The following ZFAND3 variants were observed in gnomAD, a reference collection of about 807,000 sequenced individuals.
ZFAND3 encodes the protein zinc finger AN1-type containing 3.
Under a neutral mutation model 29.6 loss-of-function variants are expected in ZFAND3, and 10 were observed. The ratio of observed to expected loss-of-function variants is 0.34; its 90% CI spans 0.21 to 0.57. The LOEUF is 0.57. ZFAND3 is among the 20% of genes least tolerant of loss of function. The probability of loss-of-function intolerance (pLI) is 0.86; values close to 1 mark genes in which losing one functional copy is unlikely to be tolerated. For synonymous variants in ZFAND3, 128 were observed against 112.6 expected, an observed-to-expected ratio of 1.14 and a Z score of -0.87; for missense variants, 230 against 304.5, an observed-to-expected ratio of 0.76 and a Z score of 1.82.
At chr6:37,911,321 T>C (rs1484244585) in intron 1 of ZFAND3, among the ~76,000 whole-genome samples, 2 of 152,222 alleles carry the variant, frequency 1.3e-5, no homozygotes, top group African/African-American at 4.8e-5. Context: ...TGTGTACCTG[T>C]TAGCTATTTG....
intron 2 of ZFAND3, among the ~76,000 whole-genome samples, chr6:38,044,637 AAG>A (rs1252326092): frequency 1.3e-5 from 2 of 152,206 alleles, no homozygotes; most frequent in Non-Finnish European, 2.9e-5. Flanking sequence ...ACAGTATTAA[AAG>A]AGGAATTGGG....
At chr6:37,843,772 T>C (rs1764123683) in intron 1 of ZFAND3, among the ~76,000 whole-genome samples, 1 of 152,034 alleles carries the variant, frequency 6.6e-6, no homozygotes, top group African/African-American at 2.4e-5. Context: ...AGACATTGCA[T>C]ATTCTTTTAA....
At chr6:37,955,792 C>G (rs1387608064) in intron 2 of ZFAND3, among the ~76,000 whole-genome samples, 1 of 152,196 alleles carries the variant, frequency 6.6e-6, no homozygotes, top group Non-Finnish European at 1.5e-5. Context: ...AGTCCCAGAT[C>G]AGCGCAGTAG....
intron 2 of ZFAND3, among the ~76,000 whole-genome samples, chr6:38,026,122 G>C (rs2127449367): frequency 6.6e-6 from 1 of 152,188 alleles, no homozygotes; most frequent in Middle Eastern, 3.4e-3. Flanking sequence ...TTCTTTATCA[G>C]ATCCATTTCT....
At chr6:38,048,160 T>C (rs1763944243) in intron 2 of ZFAND3, among the ~76,000 whole-genome samples, 1 of 151,656 alleles carries the variant, frequency 6.6e-6, no homozygotes, top group Non-Finnish European at 1.5e-5. Flanking sequence ...CGCGCACCAT[T>C]ATGCCTGGCC....
intron 2 of ZFAND3, among the ~76,000 whole-genome samples, chr6:37,999,630 A>G (rs779112532): frequency 1.6e-4 from 25 of 152,216 alleles, no homozygotes; most frequent in Non-Finnish European, 2.6e-4. Context: ...GACAAACCCA[A>G]ATTGATGAGC....
chr6:37,977,234 T>TA (rs1762495538), intron 2 of ZFAND3, among the ~76,000 whole-genome samples: 1 of 152,222 alleles, frequency 6.6e-6, no homozygotes, highest in Non-Finnish European at 1.5e-5. Flanking sequence ...AATGTTGTGT[T>TA]ACGTCGTATA....
rs144623434 is a variant in ZFAND3 at position 38,116,629 on chromosome 6, C to T, written c.419C>T (p.Thr140Met). 3,546 of 1,614,014 alleles carry T rather than the reference C, an allele frequency of 2.2e-3. 5 individuals are homozygous for T. The highest frequency in any genetic ancestry group is 2.7e-3 in the Non-Finnish European group (3,201 of 1,179,886). ...AAACGGCCACGACTACTTGAGAATA[C>T]GGAACGGTCCGAGGAAACCAGTCGA... ...PVKRPRLLEN[T>M]ERSEETSRSK... Residue 140 changes from threonine to methionine, a missense_variant, in exon 5 of 6, where the codon ACG becomes ATG. By Grantham distance (81) the Thr-to-Met change is moderately conservative (BLOSUM62 -1). This residue lies in a region of ZFAND3 where 180 missense variants were observed against 202.5 expected (regional missense o/e 0.89). Transcript: ENST00000287218.
intron 3 of ZFAND3, among the ~76,000 whole-genome samples, chr6:38,072,760 A>T (rs183427128): frequency 2.0e-5 from 3 of 152,338 alleles, no homozygotes; most frequent in African/African-American, 7.2e-5. Flanking sequence ...AGAGCTGCCA[A>T]TGCCAAAAAA....
At position 38,141,794 on chromosome 6, in the gene ZFAND3, G is replaced by T. The variant is rs533138896; in HGVS notation, c.530-10441G>T. On this transcript the variant is annotated intron_variant, in intron 5 of 5. Coordinates refer to ENST00000287218, the MANE Select transcript of ZFAND3 (RefSeq NM_021943.3). ...AAGGAACAGACATGATGGGGGAAGGGGGTCAGAGTCATAATGCCAAGCATG... is the reference window on the plus strand; with the variant it reads ...AAGGAACAGACATGATGGGGGAAGGTGGTCAGAGTCATAATGCCAAGCATG... Among the ~76,000 whole-genome samples the T allele has an allele frequency of 1.2e-3, 179 of 152,274 alleles. 1 individual carries two copies. In the South Asian group the frequency reaches 0.012, roughly 11 times the overall value.
intron 4 of ZFAND3, among the ~76,000 whole-genome samples, chr6:38,108,301 A>C (rs75362474): frequency 0.055 from 8,396 of 152,276 alleles, 335 homozygotes; most frequent in Non-Finnish European, 0.087. Flanking sequence ...GGACAGAACC[A>C]ATAGGATATA....
At chr6:37,881,176 A>AT (rs1259954815) in intron 1 of ZFAND3, among the ~76,000 whole-genome samples, 2 of 151,994 alleles carry the variant, frequency 1.3e-5, no homozygotes, top group Non-Finnish European at 2.9e-5. Flanking sequence ...GGTTCAAGAG[A>AT]TTCTCCTGCC....
intron 2 of ZFAND3, among the ~76,000 whole-genome samples, chr6:37,984,930 T>TA (rs1425923238): frequency 4.6e-5 from 7 of 152,260 alleles, no homozygotes; most frequent in Non-Finnish European, 1.0e-4. Context: ...CTGCAGCAGT[T>TA]ATACTTTTTT....
chr6:38,007,616 C>T (rs1002699389), intron 2 of ZFAND3, among the ~76,000 whole-genome samples: 9 of 152,092 alleles, frequency 5.9e-5, no homozygotes, highest in East Asian at 5.8e-4. Context: ...TTATAATTAA[C>T]TTGAAGAATA....
At chr6:38,083,350 C>T (rs563928815) in intron 4 of ZFAND3, among the ~76,000 whole-genome samples, 5 of 152,202 alleles carry the variant, frequency 3.3e-5, no homozygotes, top group Admixed American at 1.3e-4. Flanking sequence ...CAGTTGTACT[C>T]TTCTCTTCCA....
At chr6:37,837,155 G>A (rs1763982686) in intron 1 of ZFAND3, among the ~76,000 whole-genome samples, 1 of 152,130 alleles carries the variant, frequency 6.6e-6, no homozygotes, top group African/African-American at 2.4e-5. Context: ...GAAAAGCTCA[G>A]TATATATATA....
At chr6:38,007,510 A>C (rs747114793) in intron 2 of ZFAND3, among the ~76,000 whole-genome samples, 37 of 152,088 alleles carry the variant, frequency 2.4e-4, no homozygotes, top group Non-Finnish European at 5.3e-4. Flanking sequence ...GTGCCACTGC[A>C]CTCCAGTCTG....
At chr6:37,886,280 A>AAAC (rs1561922411) in intron 1 of ZFAND3, among the ~76,000 whole-genome samples, 11 of 128,934 alleles carry the variant, frequency 8.5e-5, no homozygotes, top group African/African-American at 3.0e-4. Context: ...AAAAAAAAAA[A>AAAC]AGTTCAAAGA....
At chr6:38,080,674 A>T (rs895990707) in intron 3 of ZFAND3, among the ~76,000 whole-genome samples, 1 of 152,148 alleles carries the variant, frequency 6.6e-6, no homozygotes, top group African/African-American at 2.4e-5. Context: ...AAAAGCCTAT[A>T]CTTTTCCAGA....
Sources: allele counts gnomAD v4.1 joint callset (sites outside exome capture counted in the v4.1 genomes callset), GRCh38; gene constraint gnomAD v4.1.1; regional missense constraint gnomAD v4.1.1; transcripts MANE v1.5; gene names NCBI Gene and HGNC (gene_info 2026-07-23, HGNC 2026-07-21).